Variants in CADM2 observed in about 807,000 individuals in gnomAD.
CADM2 encodes immunoglobulin superfamily member 4D.
A neutral mutation model predicts 49.8 loss-of-function variants in CADM2; 12 were observed. That is an observed-to-expected ratio of 0.24 (90% CI 0.15 to 0.39). The LOEUF (loss-of-function observed/expected upper bound fraction) is 0.39. Ranked by LOEUF, CADM2 falls within the 10% of genes least tolerant of loss-of-function variation. CADM2 has a pLI of 1.00. For synonymous variants in CADM2, 214 were observed against 175.4 expected, an observed-to-expected ratio of 1.22 and a Z score of -1.74; for missense variants, 378 against 492.3, an observed-to-expected ratio of 0.77 and a Z score of 2.20.
intron 5 of CADM2, among the ~76,000 whole-genome samples, chr3:85,911,562 A>G (rs1390601969): frequency 6.6e-6 from 1 of 152,228 alleles, no homozygotes; most frequent in African/African-American, 2.4e-5. Context: ...TTTTCTTTCC[A>G]AAGATGACAA....
At chr3:85,568,759 C>A (rs1348408382) in intron 1 of CADM2, among the ~76,000 whole-genome samples, 1 of 131,258 alleles carries the variant, frequency 7.6e-6, no homozygotes, top group Admixed American at 8.3e-5. Flanking sequence ...TGAGCCACCA[C>A]ACCAAACTAA....
intron 1 of CADM2, among the ~76,000 whole-genome samples, chr3:85,097,180 T>C (rs1296598036): frequency 6.6e-6 from 1 of 152,132 alleles, no homozygotes; most frequent in African/African-American, 2.4e-5. Flanking sequence ...CTGCGGAGTG[T>C]GATGTTCCCT....
chr3:85,714,603 A>AT (rs372572395), intron 1 of CADM2, among the ~76,000 whole-genome samples: 13 of 150,836 alleles, frequency 8.6e-5, no homozygotes, highest in South Asian at 2.1e-4. Context: ...ATTTTTTTGT[A>AT]TTTTTTTTAG....
chr3:85,697,071 T>TATATGTATATGCC (rs2066582590), intron 1 of CADM2, among the ~76,000 whole-genome samples: 1 of 141,676 alleles, frequency 7.1e-6, no homozygotes, highest in Non-Finnish European at 1.5e-5. Context: ...GTCTTAATTA[T>TATATGTATATGCC]ATATATATAT....
chr3:85,408,060 G>C (rs1324098468), intron 1 of CADM2, among the ~76,000 whole-genome samples: 1 of 130,100 alleles, frequency 7.7e-6, no homozygotes, highest in African/African-American at 2.8e-5. Context: ...GACTTAATCA[G>C]CAATAATTTT....
At chr3:85,756,362 G>A (rs898588927) in intron 2 of CADM2, among the ~76,000 whole-genome samples, 1 of 152,106 alleles carries the variant, frequency 6.6e-6, no homozygotes, top group Non-Finnish European at 1.5e-5. Context: ...ATTAGGCAAT[G>A]ATTAATTCTG....
intron 1 of CADM2, among the ~76,000 whole-genome samples, chr3:85,056,533 G>T (rs995425691): frequency 2.6e-5 from 4 of 151,904 alleles, no homozygotes; most frequent in Non-Finnish European, 2.9e-5. Flanking sequence ...AAAAGATAGG[G>T]GCCTTAAAGA....
intron 1 of CADM2, among the ~76,000 whole-genome samples, chr3:85,008,494 C>T (rs1422364422): frequency 2.0e-5 from 3 of 152,020 alleles, no homozygotes; most frequent in South Asian, 2.1e-4. Context: ...CATGGACTCT[C>T]GCTTGACAAG....
intron 1 of CADM2, among the ~76,000 whole-genome samples, chr3:85,142,677 A>G (rs949090833): frequency 1.3e-5 from 2 of 152,226 alleles, no homozygotes; most frequent in African/African-American, 4.8e-5. Flanking sequence ...TTAGGTGATG[A>G]TCTACCTCTC....
chr3:85,364,361 A>T (rs575980044), intron 1 of CADM2, among the ~76,000 whole-genome samples: 2 of 152,308 alleles, frequency 1.3e-5, no homozygotes, highest in South Asian at 4.1e-4. Context: ...TTCTGTTAAA[A>T]CTCACGCCTG....
chr3:85,234,073 C>A (rs1003890667), intron 1 of CADM2, among the ~76,000 whole-genome samples: 1 of 151,982 alleles, frequency 6.6e-6, no homozygotes, highest in African/African-American at 2.4e-5. Context: ...ATTATTTTCC[C>A]TGTTTTGCAG....
chr3:85,577,857 A>G (rs1464278860), intron 1 of CADM2, among the ~76,000 whole-genome samples: 2 of 152,252 alleles, frequency 1.3e-5, no homozygotes, highest in East Asian at 1.9e-4. Flanking sequence ...GAGAACAAGT[A>G]TAAGAAAACA....
At position 85,714,381 on chromosome 3, in the gene CADM2, T is replaced by A. The variant is rs184626011; in HGVS notation, c.62-12141T>A. Reference sequence around the variant, plus strand: ...CCTCAAAAGCTAAGTACTTCTCTTATGAAAACTTTTTATTTTTCCTGTCAA... The same window carrying A: ...CCTCAAAAGCTAAGTACTTCTCTTAAGAAAACTTTTTATTTTTCCTGTCAA... On this transcript the variant is annotated intron_variant, in intron 1 of 9. Coordinates refer to ENST00000383699, the MANE Select transcript of CADM2 (RefSeq NM_001167675.2). Among the ~76,000 whole-genome samples, 90 of 152,278 alleles carry A rather than the reference T, an allele frequency of 5.9e-4. 1 individual carries two copies. Among genetic ancestry groups the A allele is most frequent in the South Asian group, 5.4e-3 (26 of 4,830 alleles).
At chr3:85,016,543 A>C (rs1348655268) in intron 1 of CADM2, among the ~76,000 whole-genome samples, 2 of 152,196 alleles carry the variant, frequency 1.3e-5, no homozygotes, top group Admixed American at 6.5e-5. Context: ...CTGTAGTCCT[A>C]GCACTTTGGT....
intron 1 of CADM2, among the ~76,000 whole-genome samples, chr3:84,985,385 T>G (rs1411581401): frequency 6.6e-6 from 1 of 152,140 alleles, no homozygotes; most frequent in African/African-American, 2.4e-5. Context: ...TTACAAAGTT[T>G]TAACAAATAT....
At chr3:85,912,856 GA>G (rs1717801342) in intron 6 of CADM2, among the ~76,000 whole-genome samples, 3 of 152,126 alleles carry the variant, frequency 2.0e-5, no homozygotes, top group Admixed American at 2.0e-4. Context: ...AAATCACTGA[GA>G]ATCGGTAATC....
chr3:85,151,306 T>G (rs554843652), intron 1 of CADM2, among the ~76,000 whole-genome samples: 26 of 152,272 alleles, frequency 1.7e-4, no homozygotes, highest in African/African-American at 6.3e-4. Flanking sequence ...AAAGCACCCT[T>G]CTGAATGATT....
chr3:85,493,279 G>A (rs1036116711), intron 1 of CADM2, among the ~76,000 whole-genome samples: 2 of 151,994 alleles, frequency 1.3e-5, no homozygotes, highest in Non-Finnish European at 2.9e-5. Flanking sequence ...CTTCCTTCTT[G>A]TATGTATTAA....
chr3:85,453,545 G>A (rs1175440948), intron 1 of CADM2, among the ~76,000 whole-genome samples: 1 of 151,810 alleles, frequency 6.6e-6, no homozygotes, highest in Non-Finnish European at 1.5e-5. Flanking sequence ...TCAATTTTCT[G>A]GATTTCTGGA....
Sources: allele counts gnomAD v4.1 joint callset (sites outside exome capture counted in the v4.1 genomes callset), GRCh38; gene constraint gnomAD v4.1.1; transcripts MANE v1.5; gene names NCBI Gene and HGNC (gene_info 2026-07-23, HGNC 2026-07-21).